The following NUP210L variants were observed in gnomAD, a reference collection of about 807,000 sequenced individuals.
The protein encoded by NUP210L is nucleoporin 210 like.
A neutral mutation model predicts 208.5 loss-of-function variants in NUP210L; 74 were observed. That is an observed-to-expected ratio of 0.35 (90% CI 0.29 to 0.43). The LOEUF (loss-of-function observed/expected upper bound fraction) is 0.43. Ranked by LOEUF, NUP210L falls within the 20% of genes least tolerant of loss-of-function variation. NUP210L has a pLI of 1.00. For synonymous variants in NUP210L, 780 were observed against 816.9 expected (o/e 0.95, Z 0.77); for missense variants, 1,843 against 2,289.4 (o/e 0.81, Z 3.98).
At chr1:154,000,706 G>GT in intron 37 of NUP210L, 150 bp downstream of exon 37, 1 of 672,668 alleles carries the variant, frequency 1.5e-6, no homozygotes, top group Non-Finnish European at 2.6e-6. Context: ...AATTTAAACT[G>GT]TTTATTTCAG....
chr1:154,151,167 G>A (rs75935459), intron 2 of NUP210L, among the ~76,000 whole-genome samples: 30 of 151,736 alleles, frequency 2.0e-4, no homozygotes, highest in African/African-American at 7.1e-4. Context: ...TCGCATATGT[G>A]ACCAAATCAA....
chr1:154,091,253 AC>A (rs1655897777), intron 15 of NUP210L, among the ~76,000 whole-genome samples: 1 of 151,252 alleles, frequency 6.6e-6, no homozygotes, highest in African/African-American at 2.4e-5. Flanking sequence ...GTGCAACCAC[AC>A]CCGGCTAATT....
chr1:154,028,722 G>C lies in NUP210L; in HGVS notation c.3856-1125C>G, dbSNP rs76672970. On this transcript the variant is annotated intron_variant, in intron 28 of 39. Coordinates refer to ENST00000368559, the Ensembl canonical transcript of NUP210L. ...TGTTCCTGATATGGGGAGTTGAAGG[G>C]AGTGTGTGTGCTACAGTTTCTTTTC... is the stretch of plus-strand genomic sequence containing the variant. Among the ~76,000 whole-genome samples, 7 of 152,276 alleles carry C rather than the reference G, an allele frequency of 4.6e-5. 1 individual carries two copies. In the East Asian group the frequency reaches 1.3e-3, roughly 29 times the overall value.
chr1:154,084,562 G>A (rs907955587), intron 16 of NUP210L, among the ~76,000 whole-genome samples: 7 of 151,748 alleles, frequency 4.6e-5, no homozygotes, highest in Admixed American at 2.0e-4. Context: ...GGCTGGTGGA[G>A]ACCTTGCTTT....
intron 16 of NUP210L, among the ~76,000 whole-genome samples, chr1:154,071,477 G>T (rs554229139): frequency 6.7e-6 from 1 of 149,278 alleles, no homozygotes; most frequent in Non-Finnish European, 1.5e-5. Flanking sequence ...AAAGTCTATT[G>T]TGCCATTCTT....
Position 154,089,404 on chromosome 1 carries a change from A to C in NUP210L, c.2361+17T>G, listed in dbSNP as rs190409792. 3.4e-4 allele frequency: 545 copies of C among 1,607,604 alleles called. 1 individual carries two copies. The African/African-American group carries it at 6.6e-3, about 20-fold the overall frequency. ...TATAAAAGTGCCAACTTAGTTGGAAACATACTCTGTACTTACCAGCCATTT... is the reference window on the plus strand; with the variant it reads ...TATAAAAGTGCCAACTTAGTTGGAACCATACTCTGTACTTACCAGCCATTT... On this transcript the variant is annotated intron_variant, in intron 16 of 39. Transcript: ENST00000368559.
chr1:154,087,340 G>C (rs1352618432), intron 16 of NUP210L, among the ~76,000 whole-genome samples: 1 of 135,098 alleles, frequency 7.4e-6, no homozygotes, highest in Non-Finnish European at 1.5e-5. Context: ...AAAAAAAAAA[G>C]GGGCAACATA....
At chr1:153,999,592 C>T (rs1250407980) in intron 37 of NUP210L, among the ~76,000 whole-genome samples, 1 of 151,836 alleles carries the variant, frequency 6.6e-6, no homozygotes, top group Non-Finnish European at 1.5e-5. Context: ...CAAAAATTAG[C>T]AGGGCATGGT....
rs1649773645 is a variant in NUP210L at position 153,995,279 on chromosome 1, TCTCA to T, written c.5387-103_5387-100del. 15 of 803,442 alleles carry T rather than the reference TCTCA, an allele frequency of 1.9e-5. No individual in the cohort carries two copies. The South Asian group carries it at 2.4e-4, about 13-fold the overall frequency. 49.8% of individuals were successfully genotyped at this position (803,442 alleles called of 1,614,324 possible). A position where few individuals can be genotyped will look rare whatever the true frequency, so the allele number is the denominator to read the frequency against. ...AATTTTTTTTGAGACAGAGTTTTAC[TCTCA>T]CTCTGTCCCCCAGGCTGGAGGGCAG... On this transcript the variant is annotated intron_variant, in intron 37 of 39. Transcript: ENST00000368559.
intron 30 of NUP210L, among the ~76,000 whole-genome samples, chr1:154,025,063 G>T (rs1651790592): frequency 6.6e-6 from 1 of 151,496 alleles, no homozygotes; most frequent in Non-Finnish European, 1.5e-5. Flanking sequence ...TGAGTAGCTG[G>T]GACTACAGGC....
At chr1:153,999,479 T>C (rs1046052734) in intron 37 of NUP210L, among the ~76,000 whole-genome samples, 3 of 152,182 alleles carry the variant, frequency 2.0e-5, no homozygotes, top group African/African-American at 7.2e-5. Context: ...GGCTCATGCC[T>C]GTAATCCCAG....
chr1:154,107,145 A>C (rs1350844210), intron 12 of NUP210L, among the ~76,000 whole-genome samples: 2 of 152,132 alleles, frequency 1.3e-5, no homozygotes, highest in African/African-American at 4.8e-5. Flanking sequence ...TATCAGACAA[A>C]TATAACAAAG....
At chr1:154,008,033 G>C (rs1278815157) in intron 35 of NUP210L, among the ~76,000 whole-genome samples, 1 of 151,464 alleles carries the variant, frequency 6.6e-6, no homozygotes, top group African/African-American at 2.4e-5. Flanking sequence ...CACCATGCCT[G>C]GCTAATTTTT....
chr1:154,130,801 TC>T (rs1356608602), intron 7 of NUP210L, among the ~76,000 whole-genome samples: 15 of 151,692 alleles, frequency 9.9e-5, no homozygotes, highest in Admixed American at 9.9e-4. Context: ...CCTAGACTGG[TC>T]TTAAACTCCT....
intron 15 of NUP210L, among the ~76,000 whole-genome samples, chr1:154,091,161 T>C (rs1655891565): frequency 6.6e-6 from 1 of 151,102 alleles, no homozygotes; most frequent in Non-Finnish European, 1.5e-5. Flanking sequence ...AGTGGCATGA[T>C]CTTGGCTCAC....
At chr1:154,034,509 C>T (rs565547141) in intron 27 of NUP210L, among the ~76,000 whole-genome samples, 9 of 151,642 alleles carry the variant, frequency 5.9e-5, no homozygotes, top group East Asian at 1.9e-4. Flanking sequence ...TTGTATTTTT[C>T]GTAGAGATGG....
intron 25 of NUP210L, among the ~76,000 whole-genome samples, chr1:154,049,369 A>G (rs936616550): frequency 9.2e-5 from 14 of 152,320 alleles, no homozygotes; most frequent in African/African-American, 3.1e-4. Context: ...GAAATAGGGT[A>G]CGTCCCTAGT....
intron 15 of NUP210L, among the ~76,000 whole-genome samples, chr1:154,091,560 G>T (rs907704139): frequency 3.4e-5 from 5 of 149,116 alleles, no homozygotes; most frequent in Non-Finnish European, 7.4e-5. Context: ...GAGTGCAATG[G>T]CATGATCTCG....
chr1:154,102,665 TAGATGCTA>T (rs1308294218), intron 13 of NUP210L, among the ~76,000 whole-genome samples: 1 of 152,130 alleles, frequency 6.6e-6, no homozygotes, highest in Non-Finnish European at 1.5e-5. Flanking sequence ...AAGCAAATCT[TAGATGCTA>T]CTACTGTCAT....
Sources: gnomAD v4.1 joint callset for allele counts (sites outside exome capture counted in the v4.1 genomes callset) on GRCh38, gnomAD v4.1.1 for gene constraint, MANE v1.5 for transcripts, NCBI Gene and HGNC (gene_info 2026-07-23, HGNC 2026-07-21) for gene names.